Variants in REXO1 observed in about 807,000 individuals in gnomAD.
The protein encoded by REXO1 is RNA exonuclease 1 homolog.
Under a neutral mutation model 102.6 loss-of-function variants are expected in REXO1, and 42 were observed. That is an observed-to-expected ratio of 0.41 (90% CI 0.32 to 0.53). The LOEUF is 0.53. Among genes scored for constraint, REXO1 ranks in the 20% least tolerant of loss-of-function variants. REXO1 has a pLI of 0.27. For synonymous variants in REXO1, 908 were observed against 779.1 expected, an observed-to-expected ratio of 1.17 and a Z score of -2.76; for missense variants, 1,819 against 1,732.5, an observed-to-expected ratio of 1.05 and a Z score of -0.89.
At position 1,828,540 on chromosome 19, in the gene REXO1, C is replaced by T. The variant is rs560286018; in HGVS notation, c.249G>A (p.Pro83=). The T allele has an allele frequency of 2.6e-5, 41 of 1,604,310 alleles. 1 individual carries two copies. Among genetic ancestry groups the T allele is most frequent in the African/African-American group, 1.9e-4 (14 of 75,050 alleles). Reference sequence around the variant, plus strand: ...TGACCAGCTCCAACTCCAGCACATCCGGGCGCGGCTCCTCCCCCAGGCCCA... The same window carrying T: ...TGACCAGCTCCAACTCCAGCACATCTGGGCGCGGCTCCTCCCCCAGGCCCA... ...GTLGLGEEPR[P]DVLELELVNQ... is the part of the protein sequence containing the mutation. Residue 83 remains proline (P), a synonymous_variant, in exon 2 of 16, where the codon CCG becomes CCA. Coordinates refer to ENST00000170168, the MANE Select transcript of REXO1 (RefSeq NM_020695.4).
chr19:1,848,458 C>G lies in REXO1; in HGVS notation c.-100G>C, dbSNP rs2011668457. On this transcript the variant is annotated 5_prime_UTR_variant, in exon 1 of 16. Transcript: ENST00000170168. ...GCCGCCCGCGCCTCACGGACCCCGC[C>G]GCCGCCATCTTGCTCCGAGGCCCCC... 4.4e-6 allele frequency: 4 copies of G among 918,050 alleles called. No individual in the cohort carries two copies. Among genetic ancestry groups the G allele is most frequent in the Non-Finnish European group, 4.0e-6 (3 of 750,014 alleles). The allele number at this position is 918,050 out of a possible 1,614,324, so 56.9% of individuals were successfully genotyped here. A position where few individuals can be genotyped will look rare whatever the true frequency, so the allele number is the denominator to read the frequency against.
Position 1,827,296 on chromosome 19 carries a change from C to T in REXO1, c.1493G>A (p.Arg498His), listed in dbSNP as rs747971269. ...CTGGGAGGCGCCCTCGTCTAGTGAG[C>T]GGGCTTTCCGCTCCACTAGCTTCCC... ...PSGKLVERKA[R>H]SLDEGASQDA... The change falls in exon 2 of 16, where the codon CGC becomes CAC. Residue 498 changes from arginine (R) to histidine (H), a missense_variant. Coordinates refer to ENST00000170168, the MANE Select transcript of REXO1 (RefSeq NM_020695.4). 75 of 1,563,958 alleles carry T rather than the reference C, an allele frequency of 4.8e-5. No homozygotes were observed. The highest frequency in any genetic ancestry group is 1.8e-4 in the Admixed American group (10 of 55,234).
chr19:1,828,612 G>A lies in REXO1; in HGVS notation c.177C>T (p.Tyr59=), dbSNP rs1266079909. 1 of 1,600,834 alleles carries A rather than the reference G, an allele frequency of 6.2e-7. No individual in the cohort carries two copies. The highest frequency in any genetic ancestry group is 1.7e-5 in the Admixed American group (1 of 59,924). Residue 59 remains tyrosine, a synonymous_variant, in exon 2 of 16, where the codon TAC becomes TAT. Transcript: ENST00000170168. ...CGGGGGGCTTGGGCAGCTCAGGGTT[G>A]TAGGGGTCGTAACCCAGCCCTGAAG... The part of the protein sequence containing the change: ...PPAAGLGYDP[Y]NPELPKPPAQ...
In REXO1 at chr19:1,848,359, G is replaced by T. The variant is rs988665046; in HGVS notation, c.-1C>A. 3.3e-6 allele frequency: 4 copies of T among 1,216,436 alleles called. No homozygotes were observed. Among genetic ancestry groups the T allele is most frequent in the Non-Finnish European group, 3.1e-6 (3 of 971,366 alleles). 75.4% of individuals were successfully genotyped at this position (1,216,436 alleles called of 1,614,324 possible). A position where few individuals can be genotyped will look rare whatever the true frequency, so the allele number is the denominator to read the frequency against. On this transcript the variant is annotated 5_prime_UTR_variant, in exon 1 of 16. Transcript: ENST00000170168. ...GGAAGAAGCCAGTGGAGCGTAGCAT[G>T]GTCCGTCCCGCGGCGGGGCCCCGGC...
In REXO1 at chr19:1,827,526, G is replaced by A. The variant is rs1281223274; in HGVS notation, c.1263C>T (p.Ser421=). 1 of 1,584,534 alleles carries A rather than the reference G, an allele frequency of 6.3e-7. No individual in the cohort carries two copies. Among genetic ancestry groups the A allele is most frequent in the South Asian group, 1.1e-5 (1 of 87,164 alleles). Reference sequence around the variant, plus strand: ...GCCGCTCTGCCTTGCGCCGGGGGCTGCTGGCCTGCGGGCCCTTCTTGTCCG... The same window carrying A: ...GCCGCTCTGCCTTGCGCCGGGGGCTACTGGCCTGCGGGCCCTTCTTGTCCG... The part of the protein sequence containing the change: ...PRADKKGPQA[S]SPRRKAERPE... Residue 421 remains serine, a synonymous_variant, in exon 2 of 16, where the codon AGC becomes AGT. Coordinates refer to ENST00000170168, the MANE Select transcript of REXO1 (RefSeq NM_020695.4).
intron 1 of REXO1, among the ~76,000 whole-genome samples, chr19:1,841,717 G>C (rs553491242): frequency 6.6e-6 from 1 of 152,034 alleles, no homozygotes; most frequent in Non-Finnish European, 1.5e-5. Context: ...CAGGGCTCTG[G>C]GGGGAGCGCT....
chr19:1,843,312 C>T (rs1395946127), intron 1 of REXO1, among the ~76,000 whole-genome samples: 1 of 152,022 alleles, frequency 6.6e-6, no homozygotes, highest in Admixed American at 6.5e-5. Flanking sequence ...GGCAAAGCTT[C>T]AACCCCCCGC....
At position 1,818,006 on chromosome 19, in the gene REXO1, T is replaced by C. The variant is rs558571311; in HGVS notation, c.3017-226A>G. On this transcript the variant is annotated intron_variant, in intron 10 of 15. Coordinates refer to ENST00000170168, the MANE Select transcript of REXO1 (RefSeq NM_020695.4). ...GACCAGTGCCCTCTGCAGAGGCCTC[T>C]TGGCAGCGCTGCCCCGGGCAGCACC... Among the ~76,000 whole-genome samples the C allele has an allele frequency of 4.6e-5, 7 of 152,282 alleles. No individual in the cohort carries two copies. In the South Asian group the frequency reaches 1.0e-3, roughly 23 times the overall value.
At chr19:1,847,365 C>T (rs1028487432) in intron 1 of REXO1, among the ~76,000 whole-genome samples, 4 of 152,190 alleles carry the variant, frequency 2.6e-5, no homozygotes, top group Non-Finnish European at 5.9e-5. Flanking sequence ...TTGAAACTCA[C>T]GCCCAATGAG....
Position 1,828,587 on chromosome 19 carries a change from C to CG in REXO1, c.201dup (p.Ala68ArgfsTer34), listed in dbSNP as rs759731898. 8 of 1,603,438 alleles carry CG rather than the reference C, an allele frequency of 5.0e-6. No homozygotes were observed. Among genetic ancestry groups the CG allele is most frequent in the Non-Finnish European group, 3.4e-6 (4 of 1,179,812 alleles). On this transcript the variant is annotated frameshift_variant, in exon 2 of 16. Transcript: ENST00000170168. LOFTEE classifies it high-confidence loss of function. ...CCCAGGGTGCCATTCTCCCTCTGCG[C>CG]GGGGGGCTTGGGCAGCTCAGGGTTG...
chr19:1,834,559 G>A (rs576612306), intron 1 of REXO1, among the ~76,000 whole-genome samples: 5 of 152,268 alleles, frequency 3.3e-5, no homozygotes, highest in South Asian at 4.1e-4. Context: ...GACCACCTGC[G>A]TGCACCACCA....
At position 1,816,256 on chromosome 19, in the gene REXO1, G is replaced by A. The variant is rs1450669854; in HGVS notation, c.3546C>T (p.Ala1182=). 36 of 1,589,462 alleles carry A rather than the reference G, an allele frequency of 2.3e-5. 1 individual carries two copies. Among genetic ancestry groups the A allele is most frequent in the East Asian group, 6.8e-5 (3 of 43,832 alleles). The change falls in exon 15 of 16, where the codon GCC becomes GCT. Residue 1182 remains alanine (A), a synonymous_variant. Coordinates refer to ENST00000170168, the MANE Select transcript of REXO1 (RefSeq NM_020695.4). ...PYKRSLRNLM[A]DYLRQIIQDN... is the part of the protein sequence containing the mutation. ...CCTGGATGATCTGTCTGAGGTAGTC[G>A]GCCATGAGGTTCCGCAGGGACCGCT...
rs1349058186 is a variant in REXO1, at chr19:1,819,030, C to T, written c.2752G>A (p.Glu918Lys). ...SLSRPSSPRV[E>K]DLKGAALYSR... ...GGCAGGGCCTTACCTTTCAGGTCCT[C>T]CACCCGGGGGCTGCTTGGACGGCTG... The change falls in exon 8 of 16, where the codon GAG (glutamate) becomes AAG (lysine). Residue 918 changes from glutamate (E) to lysine (K), a missense_variant. Glu to Lys is a moderately conservative substitution (Grantham distance 56, BLOSUM62 1). Transcript: ENST00000170168. The T allele has an allele frequency of 8.1e-6, 13 of 1,600,626 alleles. No individual in the cohort carries two copies. Among genetic ancestry groups the T allele is most frequent in the Non-Finnish European group, 1.1e-5 (13 of 1,173,190 alleles).
At chr19:1,835,864 T>A (rs1454491146) in intron 1 of REXO1, among the ~76,000 whole-genome samples, 1 of 152,182 alleles carries the variant, frequency 6.6e-6, no homozygotes, top group South Asian at 2.1e-4. Context: ...CCCCAGCCTC[T>A]CCAGCCAGGG....
At chr19:1,818,664 C>T (rs2069441789) in intron 9 of REXO1, 42 bp downstream of exon 9, 3 of 1,608,854 alleles carry the variant, frequency 1.9e-6, no homozygotes, top group African/African-American at 1.3e-5. Flanking sequence ...TTGCCCACAT[C>T]CCGCACCTGC....
rs759792519 is a variant in REXO1, at chr19:1,821,629, C to A, written c.2284G>T (p.Gly762Cys). The change falls in exon 5 of 16, where the codon GGC (glycine) becomes TGC (cysteine). Residue 762 changes from glycine to cysteine, a missense_variant. Physicochemically the swap from Gly to Cys is radical, Grantham distance 159. Coordinates refer to ENST00000170168, the MANE Select transcript of REXO1 (RefSeq NM_020695.4). ...LAASGSQSSN[G>C]PEPGGQQLKT... ...AGCTGCTGGCCACCTGGCTCAGGGC[C>A]GTTGGAGGACTGGCTGCCGCTGGCC... 2 of 1,613,512 alleles carry A rather than the reference C, an allele frequency of 1.2e-6. No individual in the cohort carries two copies. Among genetic ancestry groups the A allele is most frequent in the Non-Finnish European group, 1.7e-6 (2 of 1,179,840 alleles).
intron 1 of REXO1, among the ~76,000 whole-genome samples, chr19:1,829,465 C>A (rs2069844812): frequency 1.3e-5 from 2 of 152,232 alleles, no homozygotes; most frequent in Non-Finnish European, 2.9e-5. Flanking sequence ...AACTCCTGAC[C>A]TCAAGTGATC....
rs535778586 is a variant in REXO1, at chr19:1,823,626, C to T, written c.2176G>A (p.Ala726Thr). The T allele has an allele frequency of 1.1e-5, 15 of 1,318,140 alleles. No homozygotes were observed. The East Asian group carries it at 3.8e-4, about 33-fold the overall frequency. 81.7% of individuals were successfully genotyped at this position (1,318,140 alleles called of 1,614,324 possible). Residue 726 changes from alanine (A) to threonine (T), a missense_variant, in exon 4 of 16, where the codon GCC (alanine) becomes ACC (threonine). Ala to Thr is a moderately conservative substitution (Grantham distance 58). Transcript: ENST00000170168. ...GCGATCCTCCTCTTCTCGCCAGGGG[C>T]GGAAATGTGGACGGAGGGCGACTTC... ...AEKSPSVHISAPGEKRRIAHI... is the reference protein window; with the variant it reads ...AEKSPSVHISTPGEKRRIAHI...
Position 1,848,213 on chromosome 19 carries a change from G to C in REXO1, c.146C>G (p.Pro49Arg), listed in dbSNP as rs2011648066. Reference sequence around the variant, plus strand: ...CGGGCGGGCATTACCTGCTGCGGGGGGCGCCTCTCCGCCGTCACCGGGCGC... The same window carrying C: ...CGGGCGGGCATTACCTGCTGCGGGGCGCGCCTCTCCGCCGTCACCGGGCGC... Reference protein sequence around the residue: ...SGAPGDGGEAPPAAGLGYDPY... With the variant: ...SGAPGDGGEARPAAGLGYDPY... Residue 49 changes from proline (P) to arginine (R), a missense_variant, in exon 1 of 16, where the codon CCC becomes CGC. Coordinates refer to ENST00000170168, the MANE Select transcript of REXO1 (RefSeq NM_020695.4). 1.6e-6 allele frequency: 2 copies of C among 1,222,368 alleles called. No homozygotes were observed. Among genetic ancestry groups the C allele is most frequent in the Non-Finnish European group, 2.0e-6 (2 of 978,658 alleles). The allele number at this position is 1,222,368 out of a possible 1,614,324, so 75.7% of individuals were successfully genotyped here. A position where few individuals can be genotyped will look rare whatever the true frequency, so the allele number is the denominator to read the frequency against.
Sources: gnomAD v4.1 joint callset for allele counts (sites outside exome capture counted in the v4.1 genomes callset) on GRCh38, gnomAD v4.1.1 for gene constraint, MANE v1.5 for transcripts, NCBI Gene and HGNC (gene_info 2026-07-23, HGNC 2026-07-21) for gene names.